BDNF: variants seen among roughly 807,000 people sequenced by gnomAD.
The protein encoded by BDNF is brain derived neurotrophic factor.
A neutral mutation model predicts 19.5 loss-of-function variants in BDNF; 1 was observed. The observed-to-expected ratio is 0.05, with a 90% CI of 0.02 to 0.24. The LOEUF is 0.24. BDNF is among the 10% of genes least tolerant of loss of function. The pLI is 1.00. For synonymous variants in BDNF, 100 were observed against 121.6 expected (o/e 0.82, Z 1.17); for missense variants, 195 against 317.6 (o/e 0.61, Z 2.93).
At position 27,700,430 on chromosome 11, in the gene BDNF, G is replaced by T. The variant is rs912269212; in HGVS notation, c.-288C>A. The T allele has an allele frequency of 7.1e-6, 7 of 985,328 alleles. No homozygotes were observed. The highest frequency in any genetic ancestry group is 8.4e-6 in the Non-Finnish European group (7 of 829,942). 61.0% of individuals were successfully genotyped at this position (985,328 alleles called of 1,614,324 possible). On this transcript the variant is annotated 5_prime_UTR_variant, in exon 1 of 2. Coordinates refer to ENST00000356660, the MANE Select transcript of BDNF (RefSeq NM_001709.5). ...TGCGCCCGGGCGCGGCGGCGGCAGC[G>T]TCGGGGACCCGGAGCTCCAGGCTGC...
At chr11:27,673,854 C>T (rs147316983) in intron 1 of BDNF, among the ~76,000 whole-genome samples, 5 of 151,730 alleles carry the variant, frequency 3.3e-5, no homozygotes, top group African/African-American at 9.7e-5. Context: ...ATGAAGGGAC[C>T]GCACTAGATT....
chr11:27,685,073 C>A (rs1378757794), intron 1 of BDNF, among the ~76,000 whole-genome samples: 1 of 152,136 alleles, frequency 6.6e-6, no homozygotes, highest in African/African-American at 2.4e-5. Context: ...GCCTCGATTT[C>A]AGAACTTATT....
chr11:27,684,565 A>T (rs991253710), intron 1 of BDNF, among the ~76,000 whole-genome samples: 1 of 152,150 alleles, frequency 6.6e-6, no homozygotes, highest in Non-Finnish European at 1.5e-5. Context: ...TTATTTTGAG[A>T]TATGTTCCAT....
intron 1 of BDNF, chr11:27,673,982 CT>C: frequency 1.4e-6 from 2 of 1,440,030 alleles, no homozygotes; most frequent in East Asian, 2.5e-5. Context: ...AATAACACTC[CT>C]TTTCAAACTA....
At chr11:27,691,337 T>C (rs549189580) in intron 1 of BDNF, among the ~76,000 whole-genome samples, 83 of 152,266 alleles carry the variant, frequency 5.5e-4, no homozygotes, top group Non-Finnish European at 1.0e-3. Context: ...CCTGAAGATA[T>C]ATGGATCAAT....
At chr11:27,714,919 C>T (rs1374833266) in intron 1 of BDNF, among the ~76,000 whole-genome samples, 1 of 151,976 alleles carries the variant, frequency 6.6e-6, no homozygotes, top group Admixed American at 6.6e-5. Flanking sequence ...TAATCTTATT[C>T]ACTGTGTTCT....
intron 1 of BDNF, chr11:27,720,726 G>A: frequency 1.0e-6 from 1 of 985,902 alleles, no homozygotes; most frequent in Non-Finnish European, 1.2e-6. Context: ...TTACACACCC[G>A]GCACAGCAGG....
At chr11:27,671,313 A>C (rs1161130384) in intron 1 of BDNF, among the ~76,000 whole-genome samples, 1 of 152,162 alleles carries the variant, frequency 6.6e-6, no homozygotes, top group African/African-American at 2.4e-5. Context: ...TAATTAAAAA[A>C]AAAAAGAACC....
At chr11:27,684,946 A>G (rs1268434828) in intron 1 of BDNF, among the ~76,000 whole-genome samples, 2 of 151,988 alleles carry the variant, frequency 1.3e-5, no homozygotes, top group African/African-American at 2.4e-5. Flanking sequence ...CTCCTTTTCT[A>G]TTGATTGGAA....
At chr11:27,719,452 G>C in intron 1 of BDNF, 1 of 986,142 alleles carries the variant, frequency 1.0e-6, no homozygotes, top group Non-Finnish European at 1.2e-6. Flanking sequence ...GTCCGGAAAG[G>C]ACCTTCTACT....
At chr11:27,698,361 A>G (rs546157591) in intron 1 of BDNF, among the ~76,000 whole-genome samples, 8 of 152,168 alleles carry the variant, frequency 5.3e-5, no homozygotes, top group African/African-American at 1.9e-4. Context: ...TGTAATTTCA[A>G]CATGCTATGT....
At chr11:27,664,526 C>T (rs1853994924) in intron 1 of BDNF, among the ~76,000 whole-genome samples, 1 of 152,094 alleles carries the variant, frequency 6.6e-6, no homozygotes. Context: ...CATTTGTAAT[C>T]CCAACACTTT....
At chr11:27,666,309 G>A (rs570313367) in intron 1 of BDNF, among the ~76,000 whole-genome samples, 1 of 152,170 alleles carries the variant, frequency 6.6e-6, no homozygotes, top group Non-Finnish European at 1.5e-5. Flanking sequence ...AAACCAATAA[G>A]ATGGGGAGAA....
chr11:27,678,505 C>A (rs1173676639), intron 1 of BDNF, among the ~76,000 whole-genome samples: 1 of 152,218 alleles, frequency 6.6e-6, no homozygotes, highest in Admixed American at 6.5e-5. Context: ...ATTGCATACA[C>A]TGCAAATTCT....
At chr11:27,719,483 TC>T in intron 1 of BDNF, 1 of 985,406 alleles carries the variant, frequency 1.0e-6, no homozygotes, top group Non-Finnish European at 1.2e-6. Context: ...GGCTCCCCTT[TC>T]CCTGAGTTAC....
chr11:27,699,609 T>C, intron 1 of BDNF: 3 of 1,466,798 alleles, frequency 2.0e-6, no homozygotes, highest in Non-Finnish European at 2.7e-6. Flanking sequence ...CCAAGCTACA[T>C]TGGCTTCGGA....
At chr11:27,712,120 G>A (rs970726517) in intron 1 of BDNF, among the ~76,000 whole-genome samples, 2 of 152,132 alleles carry the variant, frequency 1.3e-5, no homozygotes, top group Non-Finnish European at 2.9e-5. Flanking sequence ...TTCTCCCAAT[G>A]CTGATTTCCT....
exon 1 of BDNF, chr11:27,721,503 T>C: frequency 6.8e-7 from 1 of 1,474,666 alleles, no homozygotes; most frequent in South Asian, 1.1e-5. Flanking sequence ...TTTGAAGTCA[T>C]CATGTGAGAA....
At chr11:27,710,022 G>C (rs1319441907) in intron 1 of BDNF, among the ~76,000 whole-genome samples, 1 of 152,200 alleles carries the variant, frequency 6.6e-6, no homozygotes, top group Non-Finnish European at 1.5e-5. Flanking sequence ...ATATTACTTA[G>C]TTATCTCTGA....
Sources: allele counts gnomAD v4.1 joint callset (sites outside exome capture counted in the v4.1 genomes callset), GRCh38; gene constraint gnomAD v4.1.1; transcripts MANE v1.5; gene names NCBI Gene and HGNC (gene_info 2026-07-23, HGNC 2026-07-21).